ABTB3: variants seen among roughly 807,000 people sequenced by gnomAD.
ABTB3 encodes the protein ankyrin repeat and BTB domain containing 3.
the ABTB3 span, chr12:107,581,109 G>A: frequency 3.2e-6 from 5 of 1,546,272 alleles, no homozygotes; most frequent in Admixed American, 3.9e-5. Context: ...CTGCCTCCGG[G>A]GAGGCCCTAA....
chr12:107,489,867 A>T, the ABTB3 span, among the ~76,000 whole-genome samples: 2 of 151,816 alleles, frequency 1.3e-5, no homozygotes, highest in African/African-American at 4.8e-5. Context: ...GGCTCAAGCG[A>T]CCCTCAGCCT....
chr12:107,333,341 A>G, the ABTB3 span, among the ~76,000 whole-genome samples: 1 of 152,204 alleles, frequency 6.6e-6, no homozygotes, highest in East Asian at 1.9e-4. Context: ...ACCTGCAAGT[A>G]TAGTCATCAG....
chr12:107,593,901 TC>T, the ABTB3 span, among the ~76,000 whole-genome samples: 1 of 152,118 alleles, frequency 6.6e-6, no homozygotes, highest in African/African-American at 2.4e-5. Flanking sequence ...ACACGTCACT[TC>T]CCCTCACTTC....
chr12:107,510,992 G>C, the ABTB3 span, among the ~76,000 whole-genome samples: 17 of 152,268 alleles, frequency 1.1e-4, no homozygotes, highest in Non-Finnish European at 2.5e-4. Context: ...ATGAGTAAGA[G>C]AGCAGGCTGT....
the ABTB3 span, among the ~76,000 whole-genome samples, chr12:107,453,247 T>C: frequency 6.6e-6 from 1 of 152,166 alleles, no homozygotes; most frequent in East Asian, 1.9e-4. Flanking sequence ...GCTGGGATTT[T>C]ATCCTAAGAG....
the ABTB3 span, among the ~76,000 whole-genome samples, chr12:107,575,614 T>G: frequency 6.6e-6 from 1 of 152,184 alleles, no homozygotes; most frequent in Non-Finnish European, 1.5e-5. Context: ...ATCTATTTCC[T>G]TGTCTTTTCC....
the ABTB3 span, among the ~76,000 whole-genome samples, chr12:107,378,665 G>T: frequency 8.5e-5 from 13 of 152,088 alleles, no homozygotes; most frequent in Non-Finnish European, 1.3e-4. Flanking sequence ...GTCTAGTTCT[G>T]CCTCCACACA....
the ABTB3 span, among the ~76,000 whole-genome samples, chr12:107,566,489 G>A: frequency 5.3e-5 from 8 of 152,272 alleles, 1 homozygote; most frequent in East Asian, 1.5e-3. Context: ...AGATAGCAAT[G>A]TAAAAAACAT....
At chr12:107,625,752 C>G in the ABTB3 span, among the ~76,000 whole-genome samples, 9 of 151,620 alleles carry the variant, frequency 5.9e-5, no homozygotes, top group Non-Finnish European at 1.0e-4. Context: ...TCCACTGACA[C>G]CTGGGTGTCA....
the ABTB3 span, among the ~76,000 whole-genome samples, chr12:107,582,622 C>A: frequency 6.6e-6 from 1 of 152,234 alleles, no homozygotes; most frequent in African/African-American, 2.4e-5. Flanking sequence ...AGATTTCTCT[C>A]TTTTAATCCC....
At chr12:107,335,693 T>C in the ABTB3 span, among the ~76,000 whole-genome samples, 1 of 152,058 alleles carries the variant, frequency 6.6e-6, no homozygotes, top group African/African-American at 2.4e-5. Flanking sequence ...GATCCCACAG[T>C]GGATGTGTGC....
the ABTB3 span, among the ~76,000 whole-genome samples, chr12:107,585,815 C>A: frequency 6.6e-6 from 1 of 152,156 alleles, no homozygotes; most frequent in Non-Finnish European, 1.5e-5. Flanking sequence ...CTGAGGCCTG[C>A]CCGACCCACA....
At chr12:107,624,254 A>G in the ABTB3 span, among the ~76,000 whole-genome samples, 1 of 151,956 alleles carries the variant, frequency 6.6e-6, no homozygotes, top group African/African-American at 2.4e-5. Flanking sequence ...AAAACTTAAA[A>G]TGTTTCTGTT....
the ABTB3 span, among the ~76,000 whole-genome samples, chr12:107,403,793 G>T: frequency 2.4e-4 from 37 of 152,232 alleles, no homozygotes; most frequent in African/African-American, 8.7e-4. Context: ...TCTCCAAAGG[G>T]CCACATATTT....
the ABTB3 span, chr12:107,649,518 T>C: frequency 2.0e-6 from 1 of 499,032 alleles, no homozygotes; most frequent in Non-Finnish European, 3.7e-6. Context: ...TGACTGCTTT[T>C]AGTAGCCACT....
At chr12:107,616,630 A>G in the ABTB3 span, among the ~76,000 whole-genome samples, 1 of 152,216 alleles carries the variant, frequency 6.6e-6, no homozygotes, top group Non-Finnish European at 1.5e-5. Context: ...AAAGTCCTTC[A>G]GAACTCTTGA....
At chr12:107,492,380 C>T in the ABTB3 span, among the ~76,000 whole-genome samples, 1 of 152,172 alleles carries the variant, frequency 6.6e-6, no homozygotes, top group African/African-American at 2.4e-5. Context: ...CACTGTTCCT[C>T]TCTCCATCTC....
At chr12:107,346,188 T>TG in the ABTB3 span, among the ~76,000 whole-genome samples, 1 of 152,170 alleles carries the variant, frequency 6.6e-6, no homozygotes, top group Non-Finnish European at 1.5e-5. Flanking sequence ...GGGATTCTTT[T>TG]GGGGGCTGCT....
chr12:107,528,825 CATGGTGATGATGATGGTG>C, the ABTB3 span, among the ~76,000 whole-genome samples: 564 of 148,358 alleles, frequency 3.8e-3, 3 homozygotes, highest in African/African-American at 0.014. Context: ...TGACGGTGGT[CATGGTGATGATGATGGTG>C]ATGGTGATGA....
Sources: gnomAD v4.1 joint callset for allele counts (sites outside exome capture counted in the v4.1 genomes callset) on GRCh38, gnomAD v4.1.1 for gene constraint, MANE v1.5 for transcripts, NCBI Gene and HGNC (gene_info 2026-07-23, HGNC 2026-07-21) for gene names.